The following RYR2 variants were observed in gnomAD, a reference collection of about 807,000 sequenced individuals.
RYR2 encodes the protein cardiac muscle ryanodine receptor-calcium release channel.
In RYR2, 227 loss-of-function variants were observed where a neutral mutation model predicts 601.1. The observed-to-expected ratio is 0.38, with a 90% confidence interval of 0.34 to 0.42. The LOEUF is 0.42. Ranked by LOEUF, RYR2 falls within the 10% of genes least tolerant of loss-of-function variation. The pLI, the probability that RYR2 is intolerant of heterozygous loss-of-function variation, is 1.00. For missense variants in RYR2, 4,646 were observed against 6,156.5 expected (o/e 0.75, Z 8.21); for synonymous variants, 2,223 against 2,175.1 (o/e 1.02, Z -0.61).
chr1:237,112,800 A>G (rs1669644077), intron 1 of RYR2, among the ~76,000 whole-genome samples: 1 of 152,138 alleles, frequency 6.6e-6, no homozygotes, highest in African/African-American at 2.4e-5. Context: ...CTTTTAAAAT[A>G]ACAACTGTTT....
At chr1:237,167,059 C>A (rs533052288) in intron 1 of RYR2, among the ~76,000 whole-genome samples, 1 of 152,316 alleles carries the variant, frequency 6.6e-6, no homozygotes, top group South Asian at 2.1e-4. Context: ...ATTCTAAGCT[C>A]ACCCATAAAA....
chr1:237,672,224 G>A (rs1007561380), intron 58 of RYR2, among the ~76,000 whole-genome samples: 9 of 152,200 alleles, frequency 5.9e-5, no homozygotes, highest in African/African-American at 2.2e-4. Context: ...TTCAGAGTTA[G>A]TGGGTACTTT....
At chr1:237,796,193 A>C (rs187401511) in intron 96 of RYR2, among the ~76,000 whole-genome samples, 2 of 152,152 alleles carry the variant, frequency 1.3e-5, no homozygotes, top group Admixed American at 6.5e-5. Flanking sequence ...ATAATTTTAA[A>C]ATGGTTTTAA....
At chr1:237,331,596 G>T (rs1355743993) in intron 3 of RYR2, among the ~76,000 whole-genome samples, 3 of 151,736 alleles carry the variant, frequency 2.0e-5, no homozygotes, top group Non-Finnish European at 4.4e-5. Flanking sequence ...TCTGCCTCCC[G>T]GGTTCATGCC....
chr1:237,236,619 AAAAT>A (rs1272775522), intron 1 of RYR2, among the ~76,000 whole-genome samples: 3 of 152,208 alleles, frequency 2.0e-5, no homozygotes, highest in African/African-American at 7.2e-5. Context: ...TTCAATATTA[AAAAT>A]AAATAACAAA....
At chr1:237,316,652 C>T (rs753188426) in intron 2 of RYR2, among the ~76,000 whole-genome samples, 1 of 152,208 alleles carries the variant, frequency 6.6e-6, no homozygotes, top group Non-Finnish European at 1.5e-5. Flanking sequence ...TCTCCAGTTC[C>T]TCCTTTACCC....
At chr1:237,163,354 T>TC (rs1676252907) in intron 1 of RYR2, among the ~76,000 whole-genome samples, 4 of 9,388 alleles carry the variant, frequency 4.3e-4, no homozygotes, top group South Asian at 2.8e-3. Context: ...CCCAACCCCC[T>TC]ACCCCCCCCA....
intron 2 of RYR2, among the ~76,000 whole-genome samples, chr1:237,280,494 T>C (rs1026605599): frequency 7.9e-5 from 12 of 152,206 alleles, no homozygotes; most frequent in Non-Finnish European, 2.9e-5. Context: ...TCAATAACTA[T>C]ATTTTTCAAT....
chr1:237,627,434 C>T (rs1397664010), intron 40 of RYR2, among the ~76,000 whole-genome samples: 3 of 152,074 alleles, frequency 2.0e-5, no homozygotes, highest in African/African-American at 4.8e-5. Context: ...TGATGTCAGG[C>T]CTTCTGGGAA....
At chr1:237,071,561 G>A (rs1304180742) in intron 1 of RYR2, among the ~76,000 whole-genome samples, 2 of 152,150 alleles carry the variant, frequency 1.3e-5, no homozygotes, top group Non-Finnish European at 2.9e-5. Context: ...GGGAGGAAGT[G>A]CGTGCTGATG....
rs544783710 is a variant in RYR2 at position 237,508,802 on chromosome 1, G to A, written c.2718+1988G>A. ...CTGTCGCCCAGGCTGGAGTGCAGTG[G>A]CGGGATCTCGGCTCACTGCAAGCTC... On this transcript the variant is annotated intron_variant, in intron 23 of 104. Coordinates refer to ENST00000366574, the MANE Select transcript of RYR2 (RefSeq NM_001035.3). Among the ~76,000 whole-genome samples the A allele has an allele frequency of 8.8e-4, 126 of 143,600 alleles. 1 individual carries two copies. The highest frequency in any genetic ancestry group is 2.6e-4 in the Non-Finnish European group (17 of 66,294). 94.2% of individuals were successfully genotyped at this position (143,600 alleles called of 152,430 possible).
At chr1:237,263,440 A>G (rs913947494) in intron 1 of RYR2, among the ~76,000 whole-genome samples, 1 of 152,204 alleles carries the variant, frequency 6.6e-6, no homozygotes, top group African/African-American at 2.4e-5. Flanking sequence ...GAACCCATAG[A>G]AATGGACAGA....
intron 1 of RYR2, among the ~76,000 whole-genome samples, chr1:237,262,244 AGTTTTTT>A (rs1688598119): frequency 2.8e-5 from 1 of 35,524 alleles, no homozygotes; most frequent in African/African-American, 8.4e-5. Flanking sequence ...TGTTCTAAAG[AGTTTTTT>A]TTTTTTTTTT....
At chr1:237,383,414 C>CTTTTTTTTTTT (rs1558724426) in intron 8 of RYR2, among the ~76,000 whole-genome samples, 3 of 64,780 alleles carry the variant, frequency 4.6e-5, no homozygotes, top group Non-Finnish European at 6.8e-5. Flanking sequence ...TTTCTTTTTT[C>CTTTTTTTTTTT]TTGTTTTTTT....
At chr1:237,215,336 A>G (rs1683038803) in intron 1 of RYR2, among the ~76,000 whole-genome samples, 1 of 152,176 alleles carries the variant, frequency 6.6e-6, no homozygotes, top group South Asian at 2.1e-4. Flanking sequence ...TATAGGAAAA[A>G]AACACTATAT....
At chr1:237,623,952 G>C in intron 39 of RYR2, 82 bp downstream of exon 39, 1 of 891,600 alleles carries the variant, frequency 1.1e-6, no homozygotes, top group South Asian at 1.4e-5. Flanking sequence ...GTGTATATGC[G>C]AATATTTTCA....
At chr1:237,078,749 A>G (rs1017483965) in intron 1 of RYR2, among the ~76,000 whole-genome samples, 1 of 137,584 alleles carries the variant, frequency 7.3e-6, no homozygotes, top group Non-Finnish European at 1.6e-5. Context: ...TCAATAGAAA[A>G]AGAGGGAATC....
chr1:237,352,952 A>T (rs945408943), intron 3 of RYR2: 7 of 448,448 alleles, frequency 1.6e-5, no homozygotes, highest in Non-Finnish European at 3.1e-5. Context: ...CTTTCATGGG[A>T]AAGGCAAAAT....
intron 99 of RYR2, among the ~76,000 whole-genome samples, chr1:237,808,382 C>T (rs112312895): frequency 0.016 from 2,435 of 152,068 alleles, 66 homozygotes; most frequent in African/African-American, 0.056. Flanking sequence ...AAGAAAGGGC[C>T]GGGCACGGTG....
Sources: gnomAD v4.1 joint callset for allele counts (sites outside exome capture counted in the v4.1 genomes callset) on GRCh38, gnomAD v4.1.1 for gene constraint, MANE v1.5 for transcripts, NCBI Gene and HGNC (gene_info 2026-07-23, HGNC 2026-07-21) for gene names.